NPAS3: variants seen among roughly 807,000 people sequenced by gnomAD.
The protein encoded by NPAS3 is neuronal PAS domain-containing protein 3.
NPAS3 carries 14 observed loss-of-function variants against 73.1 expected under a neutral mutation model. That is an observed-to-expected ratio of 0.19 (90% CI 0.13 to 0.30). The LOEUF is 0.30. NPAS3 is among the 10% of genes least tolerant of loss of function. NPAS3 has a pLI of 1.00. For missense variants in NPAS3, 1,096 were observed against 1,250.0 expected (o/e 0.88, Z 1.86); for synonymous variants, 620 against 541.5 (o/e 1.14, Z -2.01).
chr14:33,132,362 G>A (rs777238493), intron 2 of NPAS3, among the ~76,000 whole-genome samples: 2 of 152,184 alleles, frequency 1.3e-5, no homozygotes, highest in Non-Finnish European at 2.9e-5. Context: ...AAGGGAATGA[G>A]TATCCAGATG....
intron 2 of NPAS3, among the ~76,000 whole-genome samples, chr14:33,088,339 T>C (rs1283314671): frequency 6.6e-6 from 1 of 151,906 alleles, no homozygotes; most frequent in African/African-American, 2.4e-5. Flanking sequence ...ACTCCCACCA[T>C]AATACTGCGC....
intron 7 of NPAS3, among the ~76,000 whole-genome samples, chr14:33,770,325 T>C (rs1458505427): frequency 6.6e-6 from 1 of 152,210 alleles, no homozygotes; most frequent in African/African-American, 2.4e-5. Flanking sequence ...AAATTAGAAC[T>C]CTGGGGGATA....
intron 2 of NPAS3, among the ~76,000 whole-genome samples, chr14:33,140,442 A>G (rs549140448): frequency 6.6e-6 from 1 of 152,086 alleles, no homozygotes; most frequent in East Asian, 1.9e-4. Flanking sequence ...GCAGGTGACC[A>G]TTGTGTAAGT....
At chr14:33,326,722 C>T (rs926693061) in intron 3 of NPAS3, among the ~76,000 whole-genome samples, 6 of 152,142 alleles carry the variant, frequency 3.9e-5, no homozygotes, top group African/African-American at 7.2e-5. Context: ...GCCCAAGAGA[C>T]GTGGGCAATG....
chr14:33,532,512 T>TA (rs571820662), intron 4 of NPAS3, among the ~76,000 whole-genome samples: 8 of 152,098 alleles, frequency 5.3e-5, no homozygotes, highest in Admixed American at 3.9e-4. Context: ...TTTCCTAAAT[T>TA]AAAAAACCCA....
At chr14:33,423,684 T>C (rs2048444059) in intron 4 of NPAS3, among the ~76,000 whole-genome samples, 1 of 151,984 alleles carries the variant, frequency 6.6e-6, no homozygotes, top group South Asian at 2.1e-4. Flanking sequence ...CAAGAAGAAG[T>C]AAAGTTCTTC....
chr14:33,522,063 G>GA (rs139691794), intron 4 of NPAS3, among the ~76,000 whole-genome samples: 5,567 of 152,194 alleles, frequency 0.037, 306 homozygotes, highest in African/African-American at 0.13. Flanking sequence ...CTATATGAAT[G>GA]AAAATTTAAT....
intron 5 of NPAS3, among the ~76,000 whole-genome samples, chr14:33,572,920 G>A (rs1440077696): frequency 1.3e-5 from 2 of 150,532 alleles, no homozygotes; most frequent in South Asian, 2.1e-4. Flanking sequence ...CTACTCGGGA[G>A]TCTGAGGCAG....
chr14:33,269,711 C>G (rs961520880), intron 3 of NPAS3, among the ~76,000 whole-genome samples: 1 of 151,878 alleles, frequency 6.6e-6, no homozygotes. Context: ...ATATACAAAA[C>G]AATGGCTGCC....
intron 2 of NPAS3, among the ~76,000 whole-genome samples, chr14:33,190,654 C>T (rs553086734): frequency 2.0e-5 from 3 of 152,298 alleles, no homozygotes; most frequent in Admixed American, 6.5e-5. Context: ...CTACCACACA[C>T]TCCACATGCC....
intron 3 of NPAS3, among the ~76,000 whole-genome samples, chr14:33,365,276 A>C (rs1594775743): frequency 6.7e-6 from 1 of 150,172 alleles, no homozygotes; most frequent in Admixed American, 6.7e-5. Context: ...CATAATGTGC[A>C]ATTAACACTC....
Position 33,794,590 on chromosome 14 carries a change from C to T in NPAS3, c.1301+546C>T, listed in dbSNP as rs531776985. ...TTGCTTTGCCGGAATCAAACAATAG[C>T]GGTGTAAAAAATGAAGGCAATTTTT... On this transcript the variant is annotated intron_variant, in intron 10 of 11. Transcript: ENST00000356141. 2.4e-3 allele frequency among the ~76,000 whole-genome samples: 259 copies of T among 109,674 alleles called. 1 individual carries two copies. The highest frequency in any genetic ancestry group is 0.013 in the Middle Eastern group (3 of 224). 72.0% of individuals were successfully genotyped at this position (109,674 alleles called of 152,430 possible). A position where few individuals can be genotyped will look rare whatever the true frequency, so the allele number is the denominator to read the frequency against.
At chr14:33,653,461 G>A (rs912113731) in intron 5 of NPAS3, among the ~76,000 whole-genome samples, 2 of 152,222 alleles carry the variant, frequency 1.3e-5, no homozygotes, top group Non-Finnish European at 2.9e-5. Context: ...CAGAATCAAC[G>A]CTGGGAACAG....
At chr14:33,335,834 A>C (rs149106249) in intron 3 of NPAS3, among the ~76,000 whole-genome samples, 1 of 152,110 alleles carries the variant, frequency 6.6e-6, no homozygotes, top group East Asian at 1.9e-4. Context: ...TTGTTTATTT[A>C]TTTACCAGTT....
chr14:33,212,725 A>G (rs1256768999), intron 2 of NPAS3, among the ~76,000 whole-genome samples: 1 of 152,204 alleles, frequency 6.6e-6, no homozygotes, highest in Non-Finnish European at 1.5e-5. Context: ...TATCAATTTC[A>G]GAATAATTGC....
At chr14:33,078,094 G>A (rs975702433) in intron 2 of NPAS3, among the ~76,000 whole-genome samples, 8 of 151,718 alleles carry the variant, frequency 5.3e-5, no homozygotes, top group South Asian at 4.2e-4. Flanking sequence ...AGCTGAGATC[G>A]CGCCACTGCA....
chr14:33,735,183 T>C, intron 6 of NPAS3, 31 bp from the exon 7 acceptor site: 1 of 1,492,904 alleles, frequency 6.7e-7, no homozygotes. Flanking sequence ...AAGATCTAAA[T>C]CGTGTGTGTC....
chr14:33,215,082 AGAATTTTGGTG>A, intron 2 of NPAS3, 89 bp from the exon 3 acceptor site: 3 of 1,277,746 alleles, frequency 2.3e-6, no homozygotes, highest in Non-Finnish European at 3.3e-6. Flanking sequence ...AGTTTTTGGT[AGAATTTTGGTG>A]GGAAAAAAGG....
At chr14:33,017,483 T>G (rs2039436587) in intron 1 of NPAS3, among the ~76,000 whole-genome samples, 1 of 152,158 alleles carries the variant, frequency 6.6e-6, no homozygotes. Flanking sequence ...TTGGAGCAAA[T>G]GATCTCCCAG....
Sources: gnomAD v4.1 joint callset for allele counts (sites outside exome capture counted in the v4.1 genomes callset) on GRCh38, gnomAD v4.1.1 for gene constraint, MANE v1.5 for transcripts, NCBI Gene and HGNC (gene_info 2026-07-23, HGNC 2026-07-21) for gene names.